The following NUMB variants were observed in gnomAD, a reference collection of about 807,000 sequenced individuals.
NUMB encodes the protein NUMB endocytic adaptor protein.
A neutral mutation model predicts 59.7 loss-of-function variants in NUMB; 29 were observed. That is an observed-to-expected ratio of 0.49 (90% CI 0.36 to 0.66). The LOEUF (loss-of-function observed/expected upper bound fraction) is 0.66. NUMB is among the 30% of genes least tolerant of loss of function. The pLI is 0.00. For missense variants in NUMB, 723 were observed against 822.0 expected (o/e 0.88, Z 1.47); for synonymous variants, 288 against 288.2 (o/e 1.00, Z 0.01).
At chr14:73,450,799 AC>A (rs1238670507) in intron 1 of NUMB, among the ~76,000 whole-genome samples, 1 of 151,692 alleles carries the variant, frequency 6.6e-6, no homozygotes, top group Non-Finnish European at 1.5e-5. Context: ...AAAAAAAAAA[AC>A]AAAACAGAAT....
At chr14:73,455,226 A>G (rs2140217085) in intron 1 of NUMB, among the ~76,000 whole-genome samples, 1 of 152,326 alleles carries the variant, frequency 6.6e-6, no homozygotes, top group Non-Finnish European at 1.5e-5. Context: ...TTCATAAAAC[A>G]TTAATGAAGA....
intron 1 of NUMB, among the ~76,000 whole-genome samples, chr14:73,445,381 A>AAACAAAAC (rs1883412511): frequency 2.3e-5 from 3 of 129,790 alleles, no homozygotes; most frequent in Non-Finnish European, 1.7e-5. Context: ...AAAAAAAAAA[A>AAACAAAAC]AAAAAAAAAA....
chr14:73,302,631 C>T (rs565254802), intron 6 of NUMB, among the ~76,000 whole-genome samples: 1,610 of 151,824 alleles, frequency 0.011, 15 homozygotes, highest in South Asian at 0.02. Context: ...AGGCTGGTCT[C>T]GAACTCCTGA....
At chr14:73,368,612 G>T (rs1203506852) in intron 2 of NUMB, among the ~76,000 whole-genome samples, 1 of 151,732 alleles carries the variant, frequency 6.6e-6, no homozygotes, top group African/African-American at 2.4e-5. Flanking sequence ...AAATTGAAAA[G>T]AAACACAGCA....
chr14:73,394,017 G>A (rs1895989711), intron 2 of NUMB, among the ~76,000 whole-genome samples: 1 of 152,164 alleles, frequency 6.6e-6, no homozygotes, highest in Admixed American at 6.5e-5. Context: ...CCAGGCTGGA[G>A]TGCAATTGCG....
intron 2 of NUMB, among the ~76,000 whole-genome samples, chr14:73,369,878 A>G (rs1315669349): frequency 3.3e-5 from 5 of 152,330 alleles, no homozygotes; most frequent in African/African-American, 1.2e-4. Context: ...TCCTGCTTCC[A>G]GTCACTTCCT....
chr14:73,342,176 C>T (rs552166022), intron 4 of NUMB, among the ~76,000 whole-genome samples: 1 of 152,212 alleles, frequency 6.6e-6, no homozygotes, highest in East Asian at 1.9e-4. Flanking sequence ...GGATTACAGG[C>T]GTAAGCCACT....
intron 1 of NUMB, among the ~76,000 whole-genome samples, chr14:73,427,230 G>C (rs1897622281): frequency 6.6e-6 from 1 of 152,042 alleles, no homozygotes; most frequent in Admixed American, 6.6e-5. Flanking sequence ...TGTAATCTCA[G>C]CACTTTGGGA....
rs1884102409 is a variant in NUMB, at chr14:73,453,115, T to A, written c.-233+5378A>T. ...CTCAAGATTTCGAAGTGCACTTTTT[T>A]TTATGGTTTCTTTTTGTTTTGTTTT... On this transcript the variant is annotated intron_variant, in intron 1 of 12. Transcript: ENST00000555238. Among the ~76,000 whole-genome samples, 4 of 151,730 alleles carry A rather than the reference T, an allele frequency of 2.6e-5. 1 individual carries two copies. In the South Asian group the frequency reaches 8.3e-4, roughly 32 times the overall value.
In NUMB at chr14:73,276,518, T is replaced by C; in HGVS notation, c.*60A>G. The C allele has an allele frequency of 7.2e-7, 1 of 1,390,834 alleles. No individual in the cohort carries two copies. The highest frequency in any genetic ancestry group is 1.9e-5 in the Admixed American group (1 of 51,472). The allele number at this position is 1,390,834 out of a possible 1,614,324, so 86.2% of individuals were successfully genotyped here. ...AGGAGACAAAGTCTGTTTTGCTCCT[T>C]TGACCGCTACCCCCTGCTCCCTGTC... is the stretch of plus-strand genomic sequence containing the variant. On this transcript the variant is annotated 3_prime_UTR_variant, in exon 13 of 13. Coordinates refer to ENST00000555238, the MANE Select transcript of NUMB (RefSeq NM_001005743.2).
intron 2 of NUMB, among the ~76,000 whole-genome samples, chr14:73,405,851 G>C (rs924422792): frequency 3.3e-5 from 5 of 151,988 alleles, no homozygotes; most frequent in African/African-American, 1.2e-4. Flanking sequence ...TGAACTGCTG[G>C]GCTCATCCTC....
chr14:73,411,893 T>A (rs1322046352), intron 1 of NUMB, among the ~76,000 whole-genome samples: 2 of 150,730 alleles, frequency 1.3e-5, no homozygotes, highest in Admixed American at 1.3e-4. Flanking sequence ...GTGCTGTTCC[T>A]GAATAAGAAG....
chr14:73,422,105 C>T (rs1298234739), intron 1 of NUMB, among the ~76,000 whole-genome samples: 12 of 151,310 alleles, frequency 7.9e-5, no homozygotes, highest in Admixed American at 6.6e-4. Context: ...GATTGCACCA[C>T]TACACCCCAG....
intron 3 of NUMB, among the ~76,000 whole-genome samples, chr14:73,356,647 A>C (rs1241272119): frequency 2.6e-5 from 4 of 152,204 alleles, no homozygotes; most frequent in Admixed American, 6.5e-5. Flanking sequence ...TAAGTAAATA[A>C]ATAAGCACAC....
At chr14:73,321,270 T>C (rs1415760120) in intron 5 of NUMB, among the ~76,000 whole-genome samples, 3 of 152,204 alleles carry the variant, frequency 2.0e-5, no homozygotes, top group East Asian at 1.9e-4. Flanking sequence ...AATTATAAGA[T>C]TTTAATAATT....
At chr14:73,360,224 C>T in intron 3 of NUMB, among the ~76,000 whole-genome samples, 1 of 152,166 alleles carries the variant, frequency 6.6e-6, no homozygotes, top group East Asian at 1.9e-4. Flanking sequence ...ACAATAGTAT[C>T]AGAACATCAC....
chr14:73,397,637 T>C (rs1594988539), intron 2 of NUMB, among the ~76,000 whole-genome samples: 2 of 152,370 alleles, frequency 1.3e-5, no homozygotes, highest in East Asian at 3.9e-4. Context: ...GGGATTTTCT[T>C]AATGTCTTCC....
At chr14:73,352,459 TACACACACACACAC>T (rs60134093) in intron 4 of NUMB, among the ~76,000 whole-genome samples, 1 of 19,494 alleles carries the variant, frequency 5.1e-5, no homozygotes, top group South Asian at 2.6e-3. Context: ...CACACACACA[TACACACACACACAC>T]ACACATATAT....
intron 8 of NUMB, among the ~76,000 whole-genome samples, chr14:73,287,762 A>G (rs1889116051): frequency 6.6e-6 from 1 of 152,228 alleles, no homozygotes; most frequent in African/African-American, 2.4e-5. Context: ...ATTAATTTAA[A>G]TGAATAAATT....
Sources: gnomAD v4.1 joint callset for allele counts (sites outside exome capture counted in the v4.1 genomes callset) on GRCh38, gnomAD v4.1.1 for gene constraint, MANE v1.5 for transcripts, NCBI Gene and HGNC (gene_info 2026-07-23, HGNC 2026-07-21) for gene names.